The following HMCN2 variants were observed in gnomAD, a reference collection of about 807,000 sequenced individuals.
The protein encoded by HMCN2 is hemicentin-2.
In HMCN2, 325 loss-of-function variants were observed where a neutral mutation model predicts 377.5. That is an observed-to-expected ratio of 0.86 (90% CI 0.79 to 0.94). The LOEUF (loss-of-function observed/expected upper bound fraction) is 0.94, where lower values mean the gene tolerates loss of function less well. Among genes scored for constraint, HMCN2 ranks in the 40% least tolerant of loss-of-function variants. The pLI is 0.00. For missense variants in HMCN2, 4,543 were observed against 4,725.3 expected, an observed-to-expected ratio of 0.96 and a Z score of 1.13; for synonymous variants, 2,007 against 2,046.8, an observed-to-expected ratio of 0.98 and a Z score of 0.53.
At position 130,428,238 on chromosome 9, in the gene HMCN2, C is replaced by A; in HGVS notation, c.14066-120C>A. The A allele has an allele frequency of 8.2e-7, 1 of 1,221,178 alleles. No individual in the cohort carries two copies. The highest frequency in any genetic ancestry group is 1.1e-6 in the Non-Finnish European group (1 of 910,110). 75.6% of individuals were successfully genotyped at this position (1,221,178 alleles called of 1,614,324 possible). ...AGCTAGCAGAAGGGGTGGGGACCTT[C>A]CTGCCAGTGGCTCCTGGGCCTGCGG... is the stretch of plus-strand genomic sequence containing the variant. On this transcript the variant is annotated intron_variant, in intron 92 of 97. Transcript: ENST00000683500. The surrounding 1 kb of genome is among the most constrained non-coding windows in gnomAD (Gnocchi z 5.0).
chr9:130,396,284 C>T lies in HMCN2; in HGVS notation c.11169C>T (p.Asp3723=), dbSNP rs1167188314. Residue 3723 remains aspartate, a synonymous_variant, in exon 73 of 98, where the codon GAC becomes GAT. Transcript: ENST00000683500. ...VPAPLVSWRK[D]RVPLDPRSPR... ...CACCCCTCGTGAGCTGGCGGAAGGA[C>T]AGGGTCCCCCTGGATCCCAGGAGCC... is the stretch of plus-strand genomic sequence containing the variant. The T allele has an allele frequency of 3.1e-6, 4 of 1,279,804 alleles. No individual in the cohort carries two copies. In the Admixed American group the frequency reaches 9.2e-5, roughly 29 times the overall value. The allele number at this position is 1,279,804 out of a possible 1,614,324, so 79.3% of individuals were successfully genotyped here.
chr9:130,371,503 T>G (rs1841021104), intron 46 of HMCN2, among the ~76,000 whole-genome samples: 1 of 152,106 alleles, frequency 6.6e-6, no homozygotes, highest in Non-Finnish European at 1.5e-5. Context: ...CACCTTCTCC[T>G]CTGAATATTT....
intron 90 of HMCN2, among the ~76,000 whole-genome samples, chr9:130,426,510 C>G (rs979091190): frequency 5.3e-4 from 80 of 152,338 alleles, no homozygotes; most frequent in African/African-American, 1.8e-3. Flanking sequence ...CCTCTCGGAG[C>G]TTCAGTGTTC....
intron 48 of HMCN2, among the ~76,000 whole-genome samples, chr9:130,373,589 ATG>A: frequency 2.6e-5 from 1 of 38,488 alleles, no homozygotes; most frequent in Non-Finnish European, 4.3e-5. Context: ...GGATGGATGG[ATG>A]GGTGGGTGGG....
chr9:130,403,693 T>C, intron 79 of HMCN2, 48 bp from the exon 80 acceptor site: 1 of 1,279,552 alleles, frequency 7.8e-7, no homozygotes, highest in Non-Finnish European at 1.0e-6. Context: ...ACCTCGGGGG[T>C]CCCCAGTCCC....
At chr9:130,314,600 G>C (rs1480274790) in intron 15 of HMCN2, among the ~76,000 whole-genome samples, 1 of 152,180 alleles carries the variant, frequency 6.6e-6, no homozygotes, top group African/African-American at 2.4e-5. Flanking sequence ...AAAGGGGGCT[G>C]TGGAGACCCC....
Position 130,414,938 on chromosome 9 carries a change from A to G in HMCN2, c.12962-3834A>G, listed in dbSNP as rs1843606165. The stretch of plus-strand genomic sequence containing the variant: ...CCAAGACTGAACTGTCACCACTGTC[A>G]CCACTGAGTGGGAAGCCCCTCGCCT... On this transcript the variant is annotated intron_variant, in intron 85 of 97. Transcript: ENST00000683500. This position sits in a 1 kb window ranked among gnomAD's most constrained non-coding sequence, Gnocchi z 4.4. Among the ~76,000 whole-genome samples the G allele has an allele frequency of 6.7e-6, 1 of 149,824 alleles. No individual in the cohort carries two copies. The highest frequency in any genetic ancestry group is 1.5e-5 in the Non-Finnish European group (1 of 67,256).
At chr9:130,405,194 A>G (rs7048831) in intron 81 of HMCN2, 135 bp downstream of exon 81, 11,038 of 541,750 alleles carry the variant, frequency 0.02, 1,063 homozygotes, top group African/African-American at 0.2. Context: ...GGGTACAGAC[A>G]GCCAGAACTG....
Position 130,418,802 on chromosome 9 carries a change from A to T in HMCN2, c.12992A>T (p.Asp4331Val). ...SAPVFQVEPQ[D>V]MTVRSGDDVA... The stretch of plus-strand genomic sequence containing the variant: ...CCGGTGTTCCAGGTGGAGCCCCAGG[A>T]CATGACAGTGAGATCTGGGGATGAC... The change falls in exon 86 of 98, where the codon GAC becomes GTC. Residue 4331 changes from aspartate (D) to valine (V), a missense_variant. Physicochemically the swap from Asp to Val is radical, Grantham distance 152. Around this residue, in one of 5 missense-constraint regions of HMCN2, gnomAD observed 1,155 missense variants for 1,157.7 expected, o/e 1.00. Transcript: ENST00000683500. 6.7e-7 allele frequency: 1 copy of T among 1,492,934 alleles called. No individual in the cohort carries two copies. The highest frequency in any genetic ancestry group is 9.0e-7 in the Non-Finnish European group (1 of 1,113,454). The allele number at this position is 1,492,934 out of a possible 1,614,324, so 92.5% of individuals were successfully genotyped here.
intron 19 of HMCN2, among the ~76,000 whole-genome samples, chr9:130,324,357 T>TA (rs1838013713): frequency 6.6e-6 from 1 of 152,284 alleles, no homozygotes; most frequent in African/African-American, 2.4e-5. Flanking sequence ...TTATTCCTTT[T>TA]AAAAAAACAG....
At chr9:130,327,509 C>T (rs1838205132) in intron 22 of HMCN2, 34 bp downstream of exon 22, 1 of 152,320 alleles carries the variant, frequency 6.6e-6, no homozygotes, top group African/African-American at 2.4e-5. Flanking sequence ...AGGGACAGAG[C>T]TTAGGGCTGG....
At chr9:130,383,747 A>G in intron 57 of HMCN2, 147 bp downstream of exon 57, 1 of 269,362 alleles carries the variant, frequency 3.7e-6, no homozygotes, top group Non-Finnish European at 5.7e-6. Flanking sequence ...CGAGACAGAG[A>G]GCATTTGGGG....
intron 15 of HMCN2, among the ~76,000 whole-genome samples, chr9:130,313,941 G>A (rs1039664573): frequency 1.7e-4 from 26 of 151,804 alleles, no homozygotes; most frequent in Admixed American, 5.9e-4. Flanking sequence ...CACCATTCCC[G>A]GCTGATTTTT....
chr9:130,329,501 G>A (rs1177401015), intron 22 of HMCN2, among the ~76,000 whole-genome samples: 2 of 148,276 alleles, frequency 1.3e-5, no homozygotes, highest in African/African-American at 4.9e-5. Context: ...GGAGTGCAGT[G>A]GTGCAATCTC....
chr9:130,340,353 A>C (rs963267245), intron 23 of HMCN2, among the ~76,000 whole-genome samples: 6 of 152,160 alleles, frequency 3.9e-5, no homozygotes, highest in Non-Finnish European at 7.4e-5. Context: ...ATGAGGGGGA[A>C]CTGAGGCTCT....
chr9:130,423,916 G>A lies in HMCN2; in HGVS notation c.13382-860G>A, dbSNP rs111748302. 0.048 allele frequency among the ~76,000 whole-genome samples: 7,315 copies of A among 152,134 alleles called. 544 individuals carry two copies. Among genetic ancestry groups the A allele is most frequent in the African/African-American group, 0.16 (6,614 of 41,466 alleles). On this transcript the variant is annotated intron_variant, in intron 87 of 97. Transcript: ENST00000683500. This position sits in a 1 kb window ranked among gnomAD's most constrained non-coding sequence, Gnocchi z 5.5. The stretch of plus-strand genomic sequence containing the variant: ...GGAGTCCCTGGCTCCGTGGTGACCC[G>A]GGGCCCTCAATCGGTATTTGTTGAA...
intron 1 of HMCN2, among the ~76,000 whole-genome samples, chr9:130,273,028 ACT>A (rs1459166717): frequency 3.3e-5 from 5 of 151,758 alleles, no homozygotes; most frequent in Non-Finnish European, 5.9e-5. Context: ...TTTTCAAAAA[ACT>A]CTATTGTTCT....
At position 130,368,260 on chromosome 9, in the gene HMCN2, T is replaced by G; in HGVS notation, c.6626-16T>G. 1.0e-6 allele frequency: 1 copy of G among 985,610 alleles called. No homozygotes were observed. The highest frequency in any genetic ancestry group is 1.1e-4 in the East Asian group (1 of 8,778). The allele number at this position is 985,610 out of a possible 1,614,324, so 61.1% of individuals were successfully genotyped here. A position where few individuals can be genotyped will look rare whatever the true frequency, so the allele number is the denominator to read the frequency against. On this transcript the variant is annotated splice_polypyrimidine_tract_variant and intron_variant, in intron 43 of 97. Coordinates refer to ENST00000683500, the MANE Select transcript of HMCN2 (RefSeq NM_001291815.2). ...CAAATGCCCTGGACCAGGAGTTTCTTTTTTCCTGCACCCAGGTCAACCCCT... is the reference window on the plus strand; with the variant it reads ...CAAATGCCCTGGACCAGGAGTTTCTGTTTTCCTGCACCCAGGTCAACCCCT...
intron 32 of HMCN2, among the ~76,000 whole-genome samples, 191 bp from the exon 33 acceptor site, chr9:130,355,555 T>A (rs1224825835): frequency 6.6e-6 from 1 of 152,166 alleles, no homozygotes; most frequent in Non-Finnish European, 1.5e-5. Flanking sequence ...GCCCAAGCCT[T>A]TGGGGAGCCC....
Sources: gnomAD v4.1 joint callset for allele counts (sites outside exome capture counted in the v4.1 genomes callset) on GRCh38, gnomAD v4.1.1 for gene constraint, gnomAD v4.1.1 regional missense constraint, Gnocchi (gnomAD v3.1) non-coding constraint, MANE v1.5 for transcripts, NCBI Gene and HGNC (gene_info 2026-07-23, HGNC 2026-07-21) for gene names.